The following HERC2 variants were observed in gnomAD, a reference collection of about 807,000 sequenced individuals.
HERC2 encodes the protein E3 ubiquitin-protein ligase HERC2.
HERC2 carries 102 observed loss-of-function variants against 537.7 expected under a neutral mutation model. That is an observed-to-expected ratio of 0.19 (90% CI 0.16 to 0.22). The LOEUF is 0.22. Among genes scored for constraint, HERC2 ranks in the 10% least tolerant of loss-of-function variants. The pLI, the probability that HERC2 is intolerant of heterozygous loss-of-function variation, is 1.00. For synonymous variants in HERC2, 2,224 were observed against 2,466.2 expected (o/e 0.90, Z 2.91); for missense variants, 4,236 against 6,198.2 (o/e 0.68, Z 10.63).
chr15:28,250,252 G>A (rs1904175493), intron 20 of HERC2, among the ~76,000 whole-genome samples: 1 of 152,106 alleles, frequency 6.6e-6, no homozygotes, highest in Non-Finnish European at 1.5e-5. Context: ...AGGAGCCAGG[G>A]TTGGGGAATC....
At position 28,228,379 on chromosome 15, in the gene HERC2, G is replaced by C; in HGVS notation, c.5303C>G (p.Thr1768Ser). The change falls in exon 35 of 93, where the codon ACC becomes AGC. Residue 1768 changes from threonine to serine, a missense_variant. Around this residue, in one of 27 missense-constraint regions of HERC2, gnomAD observed 343 missense variants for 417.2 expected, o/e 0.82. Transcript: ENST00000261609. ...GCTCGGTCCTGACGGGTTCTCATTG[G>C]TGATGGTTTGCAGGGGAACCGGCTG... is the stretch of plus-strand genomic sequence containing the variant. ...GIQPVPLQTI[T>S]NENPSGPSLG... 6.2e-7 allele frequency: 1 copy of C among 1,612,096 alleles called. No individual in the cohort carries two copies. Among genetic ancestry groups the C allele is most frequent in the South Asian group, 1.1e-5 (1 of 90,998 alleles).
At chr15:28,159,393 T>C (rs1412427114) in intron 69 of HERC2, among the ~76,000 whole-genome samples, 3 of 152,232 alleles carry the variant, frequency 2.0e-5, no homozygotes, top group Admixed American at 6.5e-5. Context: ...ATAGATTTGG[T>C]CTTTTCACAT....
chr15:28,288,618 C>T (rs971308439), intron 4 of HERC2, among the ~76,000 whole-genome samples: 4 of 150,248 alleles, frequency 2.7e-5, no homozygotes, highest in Non-Finnish European at 4.4e-5. Flanking sequence ...GGCTGAGGCA[C>T]GTGGATCACC....
chr15:28,288,415 A>C (rs1416672131), intron 4 of HERC2, among the ~76,000 whole-genome samples: 1 of 97,956 alleles, frequency 1.0e-5, no homozygotes. Context: ...AATCCCAGCT[A>C]CTCGGGAGGC....
chr15:28,291,140 A>G (rs1181145249), intron 4 of HERC2, among the ~76,000 whole-genome samples: 1 of 152,232 alleles, frequency 6.6e-6, no homozygotes, highest in African/African-American at 2.4e-5. Flanking sequence ...GGTACTTACT[A>G]CATGCAAGAT....
At chr15:28,226,292 T>C (rs1901158273) in intron 35 of HERC2, among the ~76,000 whole-genome samples, 1 of 152,116 alleles carries the variant, frequency 6.6e-6, no homozygotes, top group African/African-American at 2.4e-5. Flanking sequence ...TTGAAGTTCA[T>C]GTGAAAATGC....
chr15:28,304,701 CAT>C (rs2076731878), intron 2 of HERC2, among the ~76,000 whole-genome samples: 1 of 136,202 alleles, frequency 7.3e-6, no homozygotes, highest in African/African-American at 3.3e-5. Flanking sequence ...CAAGGGCTTC[CAT>C]TTTTTTTTTT....
At chr15:28,282,779 A>G (rs2076052250) in intron 4 of HERC2, among the ~76,000 whole-genome samples, 1 of 152,108 alleles carries the variant, frequency 6.6e-6, no homozygotes, top group Admixed American at 6.6e-5. Context: ...TAAAAATACA[A>G]AACTGAGCTG....
intron 86 of HERC2, among the ~76,000 whole-genome samples, chr15:28,119,368 C>T (rs1290049724): frequency 6.9e-6 from 1 of 144,092 alleles, no homozygotes; most frequent in African/African-American, 2.7e-5. Flanking sequence ...CCACTGTACT[C>T]CAGGCTGGGC....
chr15:28,209,037 T>C (rs545479401), intron 44 of HERC2, among the ~76,000 whole-genome samples: 1 of 152,308 alleles, frequency 6.6e-6, no homozygotes, highest in South Asian at 2.1e-4. Context: ...AAACTAAATA[T>C]AGAGAAATAT....
intron 39 of HERC2, 93 bp from the exon 40 acceptor site, chr15:28,214,895 C>CAAT: frequency 9.3e-7 from 1 of 1,078,168 alleles, no homozygotes; most frequent in South Asian, 1.6e-5. Flanking sequence ...TTTTTTGAGA[C>CAAT]AGAGTCTCAC....
intron 2 of HERC2, among the ~76,000 whole-genome samples, chr15:28,307,458 G>C (rs1223246638): frequency 1.3e-5 from 2 of 152,072 alleles, no homozygotes; most frequent in African/African-American, 4.8e-5. Flanking sequence ...TGTATCATTA[G>C]GTTATTTATT....
chr15:28,132,093 G>A lies in HERC2; in HGVS notation c.12570+7C>T. 1.3e-6 allele frequency: 2 copies of A among 1,591,248 alleles called. No individual in the cohort carries two copies. Among genetic ancestry groups the A allele is most frequent in the South Asian group, 1.1e-5 (1 of 89,190 alleles). Reference sequence around the variant, plus strand: ...AGAGCACTGGGCAGGGAAAGAATGGGAAATACCTTCATAGGCACTTTACAG... The same window carrying A: ...AGAGCACTGGGCAGGGAAAGAATGGAAAATACCTTCATAGGCACTTTACAG... On this transcript the variant is annotated splice_region_variant and intron_variant, in intron 81 of 92. Coordinates refer to ENST00000261609, the MANE Select transcript of HERC2 (RefSeq NM_004667.6).
intron 2 of HERC2, among the ~76,000 whole-genome samples, chr15:28,315,317 C>T (rs1466444616): frequency 6.6e-6 from 1 of 152,236 alleles, no homozygotes; most frequent in Admixed American, 6.5e-5. Flanking sequence ...CCTTGGTAGG[C>T]AGTCAGGAAG....
At position 28,111,616 on chromosome 15, in the gene HERC2, G is replaced by C. The variant is rs1006690151; in HGVS notation, c.*147C>G. On this transcript the variant is annotated 3_prime_UTR_variant, in exon 93 of 93. Coordinates refer to ENST00000261609, the MANE Select transcript of HERC2 (RefSeq NM_004667.6). ...ACCTTCTCACTGTCATTCCCATCAC[G>C]GCCAGTCAGTCTCTCCACTCCCTCC... The C allele has an allele frequency of 1.3e-6, 1 of 774,138 alleles. No homozygotes were observed. The highest frequency in any genetic ancestry group is 1.7e-5 in the African/African-American group (1 of 57,336). 48.0% of individuals were successfully genotyped at this position (774,138 alleles called of 1,614,324 possible). A position where few individuals can be genotyped will look rare whatever the true frequency, so the allele number is the denominator to read the frequency against.
chr15:28,259,684 G>A (rs1168423248), intron 16 of HERC2, among the ~76,000 whole-genome samples: 1 of 151,932 alleles, frequency 6.6e-6, no homozygotes, highest in Non-Finnish European at 1.5e-5. Context: ...GCCAGGCACA[G>A]TGGCTCACAC....
chr15:28,115,399 G>A, intron 89 of HERC2, 30 bp downstream of exon 89: 1 of 1,506,546 alleles, frequency 6.6e-7, no homozygotes, highest in Non-Finnish European at 9.2e-7. Flanking sequence ...CAAGACCCTA[G>A]AGGCCCCGCC....
chr15:28,132,192 G>A lies in HERC2; in HGVS notation c.12478C>T (p.Leu4160Phe), dbSNP rs1246429208. 1.9e-6 allele frequency: 3 copies of A among 1,613,950 alleles called. No homozygotes were observed. Among genetic ancestry groups the A allele is most frequent in the Admixed American group, 1.7e-5 (1 of 59,992 alleles). The change falls in exon 81 of 93, where the codon CTC becomes TTC. Residue 4160 changes from leucine (L) to phenylalanine (F), a missense_variant. By Grantham distance (22) the Leu-to-Phe change is conservative. This residue lies in a region of HERC2 where 94 missense variants were observed against 137.4 expected (regional missense o/e 0.68). Transcript: ENST00000261609. Reference sequence around the variant, plus strand: ...GACCAGACAGTGTCGTCATCTGTGAGGCAGAGGGTCTGGGCATCTCCACTG... The same window carrying A: ...GACCAGACAGTGTCGTCATCTGTGAAGCAGAGGGTCTGGGCATCTCCACTG... ...CGSGDAQTLC[L>F]TDDDTVWSWG...
chr15:28,151,340 G>T (rs1302036380), intron 70 of HERC2, among the ~76,000 whole-genome samples: 5 of 152,164 alleles, frequency 3.3e-5, no homozygotes, highest in Non-Finnish European at 7.3e-5. Flanking sequence ...AAGGTGGCAT[G>T]TGTCTGTACT....
Sources: gnomAD v4.1 joint callset for allele counts (sites outside exome capture counted in the v4.1 genomes callset) on GRCh38, gnomAD v4.1.1 for gene constraint, gnomAD v4.1.1 regional missense constraint, MANE v1.5 for transcripts, NCBI Gene and HGNC (gene_info 2026-07-23, HGNC 2026-07-21) for gene names.